RIMS2: variants seen among roughly 807,000 people sequenced by gnomAD.
RIMS2 encodes the protein regulating synaptic membrane exocytosis protein 2.
A neutral mutation model predicts 174.4 loss-of-function variants in RIMS2; 59 were observed. That is an observed-to-expected ratio of 0.34 (90% CI 0.27 to 0.42). The LOEUF (loss-of-function observed/expected upper bound fraction) is 0.42. Ranked by LOEUF, RIMS2 falls within the 10% of genes least tolerant of loss-of-function variation. The pLI is 1.00. For missense variants in RIMS2, 1,620 were observed against 1,666.3 expected (o/e 0.97, Z 0.48); for synonymous variants, 606 against 572.5 (o/e 1.06, Z -0.84).
At chr8:104,030,081 T>C (rs2096356251) in intron 19 of RIMS2, among the ~76,000 whole-genome samples, 3 of 152,188 alleles carry the variant, frequency 2.0e-5, no homozygotes, top group Non-Finnish European at 4.4e-5. Flanking sequence ...TTTCCAGTTA[T>C]GTTTTACTTA....
At chr8:103,631,113 T>C (rs2095908239) in intron 1 of RIMS2, among the ~76,000 whole-genome samples, 2 of 152,258 alleles carry the variant, frequency 1.3e-5, no homozygotes, top group African/African-American at 4.8e-5. Flanking sequence ...GTGCAGAAAC[T>C]GTTAAGTTTA....
chr8:103,914,006 A>G (rs1342138864), intron 6 of RIMS2, among the ~76,000 whole-genome samples: 1 of 152,168 alleles, frequency 6.6e-6, no homozygotes, highest in Non-Finnish European at 1.5e-5. Context: ...AGCATTTTAT[A>G]TCTGTTATCC....
chr8:103,537,122 TACTTAGCTCA>T (rs1448357661), intron 1 of RIMS2, among the ~76,000 whole-genome samples: 1 of 152,214 alleles, frequency 6.6e-6, no homozygotes, highest in Admixed American at 6.5e-5. Context: ...AAAATCATAA[TACTTAGCTCA>T]ACTTATTTTG....
At chr8:103,507,360 A>G (rs545930354) in intron 1 of RIMS2, among the ~76,000 whole-genome samples, 3 of 152,278 alleles carry the variant, frequency 2.0e-5, no homozygotes, top group African/African-American at 7.2e-5. Context: ...CTGCTAGATT[A>G]TCAACTCAAA....
At chr8:103,798,290 A>G (rs2098568794) in intron 3 of RIMS2, among the ~76,000 whole-genome samples, 1 of 152,174 alleles carries the variant, frequency 6.6e-6, no homozygotes, top group Admixed American at 6.5e-5. Context: ...CAGATAATTG[A>G]CTACTTTTGT....
At chr8:103,983,843 A>C (rs1359699054) in intron 16 of RIMS2, among the ~76,000 whole-genome samples, 1 of 152,174 alleles carries the variant, frequency 6.6e-6, no homozygotes, top group African/African-American at 2.4e-5. Context: ...TCTTGGCAAC[A>C]ATTTCTTGAG....
At chr8:103,848,487 A>G (rs1449534026) in intron 3 of RIMS2, among the ~76,000 whole-genome samples, 3 of 152,004 alleles carry the variant, frequency 2.0e-5, no homozygotes, top group Non-Finnish European at 4.4e-5. Context: ...CCATTTTATT[A>G]GAAATGGAAT....
chr8:104,129,630 G>A (rs1262022116), intron 19 of RIMS2, among the ~76,000 whole-genome samples: 21 of 152,172 alleles, frequency 1.4e-4, no homozygotes, highest in Admixed American at 1.4e-3. Context: ...AAGAACTGAG[G>A]ACTGTTGTGA....
At chr8:104,123,270 C>T (rs561403478) in intron 19 of RIMS2, among the ~76,000 whole-genome samples, 5 of 151,762 alleles carry the variant, frequency 3.3e-5, no homozygotes, top group Admixed American at 1.3e-4. Flanking sequence ...AATGATCTTA[C>T]GATATTTAAA....
At chr8:104,016,203 C>A (rs1054014995) in intron 19 of RIMS2, among the ~76,000 whole-genome samples, 20 of 151,834 alleles carry the variant, frequency 1.3e-4, no homozygotes, top group Non-Finnish European at 2.4e-4. Flanking sequence ...CATTGTAGAC[C>A]CTCAATAAAT....
chr8:104,107,016 A>T (rs2098083311), intron 19 of RIMS2, among the ~76,000 whole-genome samples: 1 of 152,080 alleles, frequency 6.6e-6, no homozygotes, highest in South Asian at 2.1e-4. Flanking sequence ...AATCTTCAGG[A>T]TACAAAAGTG....
chr8:103,738,771 T>A (rs562063432), intron 2 of RIMS2, among the ~76,000 whole-genome samples: 2 of 151,970 alleles, frequency 1.3e-5, no homozygotes, highest in African/African-American at 2.4e-5. Context: ...AACAGACACA[T>A]GAAAAAATGC....
chr8:103,880,897 T>C (rs983290985), intron 3 of RIMS2, among the ~76,000 whole-genome samples: 2 of 151,522 alleles, frequency 1.3e-5, no homozygotes, highest in African/African-American at 4.8e-5. Flanking sequence ...AGAATTTGGT[T>C]GCAATGTTAT....
chr8:103,796,556 A>G (rs1440863606), intron 3 of RIMS2, among the ~76,000 whole-genome samples: 1 of 152,078 alleles, frequency 6.6e-6, no homozygotes, highest in East Asian at 1.9e-4. Context: ...TTTCCCCTAT[A>G]ATCTAGCCTC....
chr8:103,895,773 T>G (rs1349231443), intron 4 of RIMS2, among the ~76,000 whole-genome samples: 1 of 151,578 alleles, frequency 6.6e-6, no homozygotes, highest in African/African-American at 2.4e-5. Flanking sequence ...TATGTTTTCT[T>G]TTTTCTTTTC....
intron 1 of RIMS2, among the ~76,000 whole-genome samples, chr8:103,593,477 T>A (rs2094351635): frequency 6.6e-6 from 1 of 151,492 alleles, no homozygotes; most frequent in Non-Finnish European, 1.5e-5. Flanking sequence ...ACCTGCTGAT[T>A]TTTGGTATAG....
intron 19 of RIMS2, among the ~76,000 whole-genome samples, chr8:104,144,836 T>A (rs1472267328): frequency 2.0e-5 from 3 of 152,184 alleles, no homozygotes; most frequent in Non-Finnish European, 4.4e-5. Flanking sequence ...TTCTTTTTTT[T>A]ATAAAACTAT....
chr8:103,929,125 A>G (rs2079372086), intron 11 of RIMS2, among the ~76,000 whole-genome samples: 1 of 151,766 alleles, frequency 6.6e-6, no homozygotes, highest in South Asian at 2.1e-4. Flanking sequence ...CCTATTTGCT[A>G]TTTAAATTAC....
At chr8:103,603,439 A>G (rs1185818686) in intron 1 of RIMS2, among the ~76,000 whole-genome samples, 3 of 148,544 alleles carry the variant, frequency 2.0e-5, no homozygotes, top group East Asian at 4.0e-4. Context: ...GCTATTGTGA[A>G]TAATGCCACA....
Sources: allele counts gnomAD v4.1 joint callset (sites outside exome capture counted in the v4.1 genomes callset), GRCh38; gene constraint gnomAD v4.1.1; transcripts MANE v1.5; gene names NCBI Gene and HGNC (gene_info 2026-07-23, HGNC 2026-07-21).